LOXL2: variants seen among roughly 807,000 people sequenced by gnomAD.
LOXL2 encodes lysyl oxidase homolog 2.
In LOXL2, 70 loss-of-function variants were observed where a neutral mutation model predicts 93.0. The observed-to-expected ratio is 0.75, with a 90% confidence interval of 0.62 to 0.92. LOXL2 has a LOEUF of 0.92. LOXL2 is among the 40% of genes least tolerant of loss of function. LOXL2 has a pLI of 0.00. For synonymous variants in LOXL2, 438 were observed against 413.2 expected (o/e 1.06, Z -0.73); for missense variants, 973 against 1,054.9 (o/e 0.92, Z 1.08).
At chr8:23,354,078 G>C (rs559078361) in intron 3 of LOXL2, among the ~76,000 whole-genome samples, 2 of 152,218 alleles carry the variant, frequency 1.3e-5, no homozygotes, top group Non-Finnish European at 2.9e-5. Context: ...CATCAGCCAG[G>C]CTCCAGGGCT....
At chr8:23,331,526 G>A (rs1303171942) in intron 5 of LOXL2, 1 of 152,214 alleles carries the variant, frequency 6.6e-6, no homozygotes, top group African/African-American at 2.4e-5. Flanking sequence ...GAAATGATCG[G>A]TCACTTCTCC....
intron 1 of LOXL2, among the ~76,000 whole-genome samples, chr8:23,380,946 G>C (rs1472271288): frequency 2.0e-5 from 3 of 152,180 alleles, no homozygotes; most frequent in African/African-American, 7.2e-5. Flanking sequence ...CTGGGAGGCG[G>C]AGGTTGCAGT....
intron 3 of LOXL2, among the ~76,000 whole-genome samples, chr8:23,347,861 C>A (rs1804019988): frequency 6.6e-6 from 1 of 151,930 alleles, no homozygotes; most frequent in Non-Finnish European, 1.5e-5. Context: ...TGGGTATATA[C>A]CCAAAGGATT....
chr8:23,297,001 C>T lies in LOXL2; in HGVS notation c.*1042G>A, dbSNP rs1803038738. ...CTTCTCCCAGATGGTAGGAGCTGCC[C>T]CTTTTGGAGTCTATTGAAGGAGGTG... On this transcript the variant is annotated 3_prime_UTR_variant, in exon 14 of 14. Transcript: ENST00000389131. Among the ~76,000 whole-genome samples, 1 of 152,096 alleles carries T rather than the reference C, an allele frequency of 6.6e-6. No individual in the cohort carries two copies. Among genetic ancestry groups the T allele is most frequent in the South Asian group, 2.1e-4 (1 of 4,824 alleles).
At chr8:23,384,697 T>A (rs1271151506) in intron 1 of LOXL2, among the ~76,000 whole-genome samples, 1 of 152,150 alleles carries the variant, frequency 6.6e-6, no homozygotes, top group Non-Finnish European at 1.5e-5. Context: ...GCGGATCACC[T>A]GAAGTCAGGA....
chr8:23,322,337 G>C, intron 6 of LOXL2, 56 bp from the exon 7 acceptor site: 1 of 1,540,232 alleles, frequency 6.5e-7, no homozygotes, highest in African/African-American at 1.4e-5. Flanking sequence ...ACTTTCTGGA[G>C]TGGCAAGAAA....
chr8:23,335,723 G>C (rs1426401064), intron 4 of LOXL2, among the ~76,000 whole-genome samples: 3 of 152,134 alleles, frequency 2.0e-5, no homozygotes, highest in African/African-American at 4.8e-5. Context: ...TGGGCAGGCT[G>C]ACCCCAAGAC....
At chr8:23,343,224 A>G (rs1803913927) in intron 3 of LOXL2, among the ~76,000 whole-genome samples, 1 of 152,232 alleles carries the variant, frequency 6.6e-6, no homozygotes, top group African/African-American at 2.4e-5. Context: ...ATTGCAGTAT[A>G]TAATAGCAAC....
At chr8:23,383,039 C>G (rs1443197795) in intron 1 of LOXL2, among the ~76,000 whole-genome samples, 3 of 152,244 alleles carry the variant, frequency 2.0e-5, no homozygotes, top group Non-Finnish European at 2.9e-5. Context: ...CCTCTGGTAC[C>G]TAACATGCCT....
At position 23,368,422 on chromosome 8, in the gene LOXL2, C is replaced by T. The variant is rs568245529; in HGVS notation, c.-71G>A. The T allele has an allele frequency of 3.6e-5, 47 of 1,323,096 alleles. No individual in the cohort carries two copies. The highest frequency in any genetic ancestry group is 1.9e-4 in the Admixed American group (11 of 56,710). 82.0% of individuals were successfully genotyped at this position (1,323,096 alleles called of 1,614,324 possible). A position where few individuals can be genotyped will look rare whatever the true frequency, so the allele number is the denominator to read the frequency against. On this transcript the variant is annotated 5_prime_UTR_variant, in exon 2 of 14. Coordinates refer to ENST00000389131, the MANE Select transcript of LOXL2 (RefSeq NM_002318.3). ...GGGAGGGACAGGCGGGGTACAGAAG[C>T]AGCAGGAGCTTTCTGGAAGAGAGGA...
intron 5 of LOXL2, among the ~76,000 whole-genome samples, chr8:23,330,585 A>G (rs1329840688): frequency 7.5e-6 from 1 of 133,684 alleles, no homozygotes; most frequent in Non-Finnish European, 1.6e-5. Context: ...CAGAGGAAAG[A>G]AAGAAACCAA....
chr8:23,370,525 A>T (rs1272738586), intron 1 of LOXL2: 1 of 152,226 alleles, frequency 6.6e-6, no homozygotes, highest in African/African-American at 2.4e-5. Context: ...AACAACTAGA[A>T]AAGGAAGGTA....
chr8:23,387,905 C>T (rs371681810), intron 1 of LOXL2, among the ~76,000 whole-genome samples: 2 of 152,130 alleles, frequency 1.3e-5, no homozygotes, highest in African/African-American at 2.4e-5. Flanking sequence ...GCCGAGATCA[C>T]GCCATTGCAC....
chr8:23,315,057 T>C (rs1803372919), intron 9 of LOXL2, among the ~76,000 whole-genome samples: 1 of 152,052 alleles, frequency 6.6e-6, no homozygotes, highest in South Asian at 2.1e-4. Flanking sequence ...GGACGTGGCC[T>C]TGGCTCTGGC....
chr8:23,317,203 C>T (rs1236540477), intron 8 of LOXL2, 89 bp from the exon 9 acceptor site: 2 of 1,410,896 alleles, frequency 1.4e-6, no homozygotes, highest in African/African-American at 2.8e-5. Context: ...CACAAAAATC[C>T]CAATGTTTCA....
intron 1 of LOXL2, among the ~76,000 whole-genome samples, chr8:23,382,696 G>A (rs1804697860): frequency 1.3e-5 from 2 of 152,042 alleles, no homozygotes; most frequent in South Asian, 4.1e-4. Context: ...GGGCTAAACT[G>A]TGTCTTTCTG....
chr8:23,323,685 C>T (rs1803533622), intron 6 of LOXL2, among the ~76,000 whole-genome samples: 1 of 146,092 alleles, frequency 6.8e-6, no homozygotes. Context: ...ATGTGTTTTG[C>T]CAGATCGGGA....
In LOXL2 at chr8:23,333,233, G is replaced by A. The variant is rs2294132; in HGVS notation, c.966+168C>T. On this transcript the variant is annotated intron_variant, in intron 5 of 13. Coordinates refer to ENST00000389131, the MANE Select transcript of LOXL2 (RefSeq NM_002318.3). The stretch of plus-strand genomic sequence containing the variant: ...ATGCTGGGGTATTCTTCTCCCCCAG[G>A]TGGTCCTTCTCTGCAGAGGGCGCTC... Among the ~76,000 whole-genome samples, 3 of 152,250 alleles carry A rather than the reference G, an allele frequency of 2.0e-5. No homozygotes were observed. The East Asian group carries it at 5.8e-4, about 30-fold the overall frequency.
At chr8:23,380,889 T>C (rs1804672552) in intron 1 of LOXL2, among the ~76,000 whole-genome samples, 1 of 152,180 alleles carries the variant, frequency 6.6e-6, no homozygotes, top group South Asian at 2.1e-4. Flanking sequence ...GGCAAGCGCC[T>C]GTAATCCCAG....
Sources: gnomAD v4.1 joint callset for allele counts (sites outside exome capture counted in the v4.1 genomes callset) on GRCh38, gnomAD v4.1.1 for gene constraint, MANE v1.5 for transcripts, NCBI Gene and HGNC (gene_info 2026-07-23, HGNC 2026-07-21) for gene names.